The following NALCN variants were observed in gnomAD, a reference collection of about 807,000 sequenced individuals.
NALCN encodes the protein sodium leak channel NALCN.
NALCN carries 111 observed loss-of-function variants against 225.3 expected under a neutral mutation model. That is an observed-to-expected ratio of 0.49 (90% CI 0.42 to 0.58). The LOEUF (loss-of-function observed/expected upper bound fraction) is 0.58. Ranked by LOEUF, NALCN falls within the 20% of genes least tolerant of loss-of-function variation. The probability of loss-of-function intolerance (pLI) is 0.00; values close to 1 mark genes in which losing one functional copy is unlikely to be tolerated. For synonymous variants in NALCN, 764 were observed against 769.0 expected, an observed-to-expected ratio of 0.99 and a Z score of 0.11; for missense variants, 1,378 against 2,202.4, an observed-to-expected ratio of 0.63 and a Z score of 7.49.
At chr13:101,274,432 G>A (rs2042908439) in intron 10 of NALCN, among the ~76,000 whole-genome samples, 1 of 152,196 alleles carries the variant, frequency 6.6e-6, no homozygotes, top group African/African-American at 2.4e-5. Context: ...AATTCCTTAT[G>A]CTGTCTGTGC....
intron 7 of NALCN, among the ~76,000 whole-genome samples, chr13:101,295,081 C>CA (rs2043693779): frequency 6.6e-6 from 1 of 152,086 alleles, no homozygotes; most frequent in African/African-American, 2.4e-5. Flanking sequence ...CCCCCTCATG[C>CA]ATCTGTTCAT....
intron 6 of NALCN, among the ~76,000 whole-genome samples, chr13:101,346,055 CTT>C (rs1649135710): frequency 1.1e-5 from 1 of 87,476 alleles, no homozygotes; most frequent in Non-Finnish European, 2.2e-5. Flanking sequence ...CCTTGAGAGA[CTT>C]TCTCTCTCTC....
intron 28 of NALCN, among the ~76,000 whole-genome samples, chr13:101,090,988 A>G (rs539511772): frequency 4.6e-5 from 7 of 152,274 alleles, no homozygotes; most frequent in African/African-American, 1.4e-4. Flanking sequence ...TTCTTTTAAC[A>G]TGGTTATACT....
At chr13:101,310,110 C>T (rs2044287649) in intron 7 of NALCN, among the ~76,000 whole-genome samples, 1 of 152,176 alleles carries the variant, frequency 6.6e-6, no homozygotes, top group African/African-American at 2.4e-5. Context: ...CCACTGCCAT[C>T]TCTCGCCTGG....
chr13:101,245,983 G>T (rs764460670), intron 11 of NALCN, among the ~76,000 whole-genome samples: 6 of 152,166 alleles, frequency 3.9e-5, no homozygotes, highest in African/African-American at 1.4e-4. Flanking sequence ...CCTCTAGGGG[G>T]TATTTGGACC....
chr13:101,407,750 A>G (rs2047665292), intron 1 of NALCN, among the ~76,000 whole-genome samples: 1 of 152,216 alleles, frequency 6.6e-6, no homozygotes, highest in Non-Finnish European at 1.5e-5. Flanking sequence ...AGGGAGAGAA[A>G]TGGTGAAGCA....
intron 11 of NALCN, among the ~76,000 whole-genome samples, chr13:101,254,206 AAC>A (rs2042146060): frequency 6.6e-6 from 1 of 151,934 alleles, no homozygotes; most frequent in Non-Finnish European, 1.5e-5. Context: ...AACATGGCGA[AAC>A]CCCATCTCTA....
intron 13 of NALCN, among the ~76,000 whole-genome samples, chr13:101,200,463 G>T (rs998345791): frequency 6.6e-6 from 1 of 152,054 alleles, no homozygotes. Flanking sequence ...TCACGCTTTG[G>T]TGCTGTATTT....
At chr13:101,069,250 T>C (rs1261933244) in intron 37 of NALCN, among the ~76,000 whole-genome samples, 2 of 152,256 alleles carry the variant, frequency 1.3e-5, no homozygotes, top group East Asian at 1.9e-4. Context: ...CTCGGAGACA[T>C]TGCAGTTTCA....
intron 16 of NALCN, 56 bp downstream of exon 16, chr13:101,144,704 A>G (rs2037258235): frequency 6.4e-7 from 1 of 1,555,554 alleles, no homozygotes; most frequent in Non-Finnish European, 8.7e-7. Flanking sequence ...CAGATTTAAG[A>G]TGATGAATCT....
intron 7 of NALCN, among the ~76,000 whole-genome samples, chr13:101,309,291 A>C (rs564800494): frequency 1.3e-5 from 2 of 152,182 alleles, no homozygotes; most frequent in Non-Finnish European, 2.9e-5. Context: ...ACATTCTTGA[A>C]AGGACTACCA....
chr13:101,397,157 A>T (rs1393060079), intron 2 of NALCN, among the ~76,000 whole-genome samples: 2 of 146,046 alleles, frequency 1.4e-5, no homozygotes, highest in Admixed American at 6.8e-5. Flanking sequence ...ATAGCATGTT[A>T]TATGTATGTA....
chr13:101,221,865 G>A (rs559943673), intron 13 of NALCN, among the ~76,000 whole-genome samples: 2 of 152,182 alleles, frequency 1.3e-5, no homozygotes. Flanking sequence ...TTCCTTCCTT[G>A]GATTAGTGGG....
chr13:101,219,584 C>T (rs933908147), intron 13 of NALCN, among the ~76,000 whole-genome samples: 1 of 152,160 alleles, frequency 6.6e-6, no homozygotes, highest in Non-Finnish European at 1.5e-5. Flanking sequence ...CTGACATGAT[C>T]ATTCCTAACA....
intron 10 of NALCN, among the ~76,000 whole-genome samples, chr13:101,269,709 A>G (rs1281758134): frequency 6.6e-6 from 1 of 152,194 alleles, no homozygotes; most frequent in Non-Finnish European, 1.5e-5. Context: ...TTTGGGCACA[A>G]GAAGACCCAG....
In NALCN at chr13:101,107,622, A is replaced by G; in HGVS notation, c.2457-13T>C. ...TTCTTGCACTTTCCTTGAAGGAGAA[A>G]TTCATGGGAGAATGAGGCTAAGGGA... On this transcript the variant is annotated splice_polypyrimidine_tract_variant and intron_variant, in intron 21 of 43. Transcript: ENST00000251127. The G allele has an allele frequency of 6.2e-7, 1 of 1,614,084 alleles. No homozygotes were observed. The highest frequency in any genetic ancestry group is 8.5e-7 in the Non-Finnish European group (1 of 1,179,954).
rs139541927 is a variant in NALCN, at chr13:101,107,489, G to A, written c.2577C>T (p.Asn859=). Residue 859 remains asparagine (N), a splice_region_variant and synonymous_variant, in exon 22 of 44, where the codon AAC becomes AAT. Coordinates refer to ENST00000251127, the MANE Select transcript of NALCN (RefSeq NM_052867.4). Reference sequence around the variant, plus strand: ...TGGCTGAAATGAAGTGTACTTACGCGTTGAAGCGTGCTCGGACCACCACCC... The same window carrying A: ...TGGCTGAAATGAAGTGTACTTACGCATTGAAGCGTGCTCGGACCACCACCC... The part of the protein sequence containing the change: ...FCRVVVRARF[N]ASKTDPVTGA... 111 of 1,614,048 alleles carry A rather than the reference G, an allele frequency of 6.9e-5. No homozygotes were observed. Among genetic ancestry groups the A allele is most frequent in the Non-Finnish European group, 8.5e-5 (100 of 1,179,940 alleles).
At chr13:101,411,968 T>C (rs1185001300) in intron 1 of NALCN, among the ~76,000 whole-genome samples, 1 of 152,194 alleles carries the variant, frequency 6.6e-6, no homozygotes, top group Non-Finnish European at 1.5e-5. Flanking sequence ...TTGCTGATAA[T>C]TTTAGAGAGG....
chr13:101,323,896 C>T (rs1265387074), intron 7 of NALCN, among the ~76,000 whole-genome samples: 1 of 152,132 alleles, frequency 6.6e-6, no homozygotes, highest in East Asian at 1.9e-4. Flanking sequence ...AAATGGGTAA[C>T]TTTTCTTCTG....
Sources: gnomAD v4.1 joint callset for allele counts (sites outside exome capture counted in the v4.1 genomes callset) on GRCh38, gnomAD v4.1.1 for gene constraint, MANE v1.5 for transcripts, NCBI Gene and HGNC (gene_info 2026-07-23, HGNC 2026-07-21) for gene names.